The following NCAM1 variants were observed in gnomAD, a reference collection of about 807,000 sequenced individuals.
The protein encoded by NCAM1 is neural cell adhesion molecule 1.
NCAM1 carries 14 observed loss-of-function variants against 109.8 expected under a neutral mutation model. The observed-to-expected ratio is 0.13, with a 90% confidence interval of 0.08 to 0.20. The LOEUF (loss-of-function observed/expected upper bound fraction) is 0.20. Among genes scored for constraint, NCAM1 ranks in the 10% least tolerant of loss-of-function variants. NCAM1 has a pLI of 1.00. For synonymous variants in NCAM1, 418 were observed against 442.9 expected (o/e 0.94, Z 0.70); for missense variants, 774 against 1,109.9 (o/e 0.70, Z 4.30).
intron 7 of NCAM1, 150 bp downstream of exon 7, chr11:113,208,152 A>G (rs1191026195): frequency 3.9e-5 from 37 of 942,426 alleles, no homozygotes; most frequent in Non-Finnish European, 5.3e-5. Flanking sequence ...TCCAAGCCCT[A>G]GTCCAAGCCA....
rs1950645890 is a variant in NCAM1, at chr11:112,963,897, C to CT, written c.52+2236dup. ...GTGTTCCCTGGAATGAAAGCGACCT[C>CT]TTTCCTGGCCCGGTACCTTGAGGAT... On this transcript the variant is annotated intron_variant, in intron 1 of 19. Coordinates refer to ENST00000316851, the MANE Select transcript of NCAM1 (RefSeq NM_181351.5). This position sits in a 1 kb window ranked among gnomAD's most constrained non-coding sequence, Gnocchi z 4.6. Among the ~76,000 whole-genome samples the CT allele has an allele frequency of 6.6e-6, 1 of 152,144 alleles. No individual in the cohort carries two copies. The highest frequency in any genetic ancestry group is 2.4e-5 in the African/African-American group (1 of 41,430).
intron 14 of NCAM1, among the ~76,000 whole-genome samples, chr11:113,243,960 C>T (rs538751966): frequency 6.6e-6 from 1 of 152,072 alleles, no homozygotes; most frequent in South Asian, 2.1e-4. Flanking sequence ...GTGTGTGCTG[C>T]GATGAATTTT....
At chr11:113,045,172 A>G (rs1953223226) in intron 1 of NCAM1, among the ~76,000 whole-genome samples, 1 of 152,258 alleles carries the variant, frequency 6.6e-6, no homozygotes, top group South Asian at 2.1e-4. Flanking sequence ...CAAGCGAGGA[A>G]GATGACAATT....
intron 1 of NCAM1, among the ~76,000 whole-genome samples, chr11:113,041,373 G>A (rs1020410343): frequency 6.6e-6 from 1 of 151,962 alleles, no homozygotes; most frequent in Non-Finnish European, 1.5e-5. Context: ...TAGCATGCTG[G>A]TATATAGTCT....
chr11:113,105,956 T>C (rs1940138796), intron 1 of NCAM1, among the ~76,000 whole-genome samples: 1 of 152,180 alleles, frequency 6.6e-6, no homozygotes, highest in South Asian at 2.1e-4. Context: ...AATAGAAAAA[T>C]TATGTTAATA....
chr11:113,195,495 ATTTTTTTTTT>A (rs561856662), intron 1 of NCAM1, among the ~76,000 whole-genome samples: 1 of 85,584 alleles, frequency 1.2e-5, no homozygotes, highest in East Asian at 4.2e-4. Flanking sequence ...CCCTTAGTAG[ATTTTTTTTTT>A]TTTTTTTTTT....
chr11:113,147,280 G>T (rs1565463140), intron 1 of NCAM1, among the ~76,000 whole-genome samples: 1 of 152,168 alleles, frequency 6.6e-6, no homozygotes, highest in Admixed American at 6.5e-5. Flanking sequence ...TAAACTGCGC[G>T]ATAGATTTTT....
intron 1 of NCAM1, among the ~76,000 whole-genome samples, chr11:113,054,008 A>C (rs1209375783): frequency 6.6e-6 from 1 of 151,974 alleles, no homozygotes; most frequent in African/African-American, 2.4e-5. Context: ...TTTGTCTCCA[A>C]CTCTGGGTCA....
chr11:113,031,390 A>G (rs971703340), intron 1 of NCAM1, among the ~76,000 whole-genome samples: 2 of 152,184 alleles, frequency 1.3e-5, no homozygotes, highest in African/African-American at 2.4e-5. Context: ...GAAAGACCTG[A>G]CACTAAATAG....
chr11:112,965,782 T>A lies in NCAM1; in HGVS notation c.52+4118T>A, dbSNP rs549050471. On this transcript the variant is annotated intron_variant, in intron 1 of 19. Coordinates refer to ENST00000316851, the MANE Select transcript of NCAM1 (RefSeq NM_181351.5). ...GTGGCTTCAATACTACTGGCAGGCT[T>A]CCAAAGACATTTTACAGACAGTCCT... Among the ~76,000 whole-genome samples, 4 of 152,332 alleles carry A rather than the reference T, an allele frequency of 2.6e-5. No homozygotes were observed. In the East Asian group the frequency reaches 7.7e-4, roughly 29 times the overall value.
In NCAM1 at chr11:113,271,831, G is replaced by A. The variant is rs782380026; in HGVS notation, c.2411G>A (p.Gly804Glu). ...EEERTPNHDG[G>E]KHTEPNETTP... ...GAGAGGACCCCAAACCATGATGGAG[G>A]GAAACACACAGAGCCCAACGAGACC... Residue 804 changes from glycine to glutamate, a missense_variant, in exon 19 of 20, where the codon GGG becomes GAG. Gly to Glu is a moderately conservative substitution (Grantham distance 98). Coordinates refer to ENST00000316851, the MANE Select transcript of NCAM1 (RefSeq NM_181351.5). The A allele has an allele frequency of 1.0e-5, 16 of 1,573,414 alleles. No individual in the cohort carries two copies. In the Admixed American group the frequency reaches 3.0e-4, roughly 29 times the overall value.
At chr11:113,241,405 T>C (rs1565523706) in intron 14 of NCAM1, among the ~76,000 whole-genome samples, 1 of 152,204 alleles carries the variant, frequency 6.6e-6, no homozygotes, top group Non-Finnish European at 1.5e-5. Flanking sequence ...AGGCAAATCG[T>C]TTAACCCTTC....
intron 1 of NCAM1, among the ~76,000 whole-genome samples, chr11:112,982,795 T>C (rs1951188308): frequency 6.6e-6 from 1 of 151,832 alleles, no homozygotes; most frequent in African/African-American, 2.4e-5. Flanking sequence ...TTAAAAAAGG[T>C]AATAGTTTGG....
intron 8 of NCAM1, among the ~76,000 whole-genome samples, chr11:113,219,770 CAAAAG>C (rs1443658960): frequency 3.9e-5 from 6 of 152,282 alleles, no homozygotes; most frequent in Middle Eastern, 3.4e-3. Context: ...TAGAGTCTCT[CAAAAG>C]AAAGATCTTG....
At position 112,976,387 on chromosome 11, in the gene NCAM1, T is replaced by C. The variant is rs141363805; in HGVS notation, c.52+14723T>C. ...AACAAATAAATCAATTTTTTAATTA[T>C]AAATTTTTAGTAATTGAAAATTATT... On this transcript the variant is annotated intron_variant, in intron 1 of 19. Coordinates refer to ENST00000316851, the MANE Select transcript of NCAM1 (RefSeq NM_181351.5). 7.5e-3 allele frequency among the ~76,000 whole-genome samples: 1,145 copies of C among 152,060 alleles called. 15 individuals are homozygous for C. Among genetic ancestry groups the C allele is most frequent in the African/African-American group, 0.026 (1,062 of 41,528 alleles).
At chr11:113,258,756 G>GA (rs1945896775) in intron 16 of NCAM1, among the ~76,000 whole-genome samples, 1 of 152,154 alleles carries the variant, frequency 6.6e-6, no homozygotes, top group African/African-American at 2.4e-5. Context: ...CATGTACCCT[G>GA]AAAATCTGTA....
At chr11:113,001,215 C>T (rs1231142651) in intron 1 of NCAM1, among the ~76,000 whole-genome samples, 5 of 152,036 alleles carry the variant, frequency 3.3e-5, no homozygotes, top group African/African-American at 9.7e-5. Context: ...ATAGTATGTC[C>T]CCCACACAGA....
At chr11:113,181,093 C>A (rs115093627) in intron 1 of NCAM1, among the ~76,000 whole-genome samples, 528 of 152,332 alleles carry the variant, frequency 3.5e-3, no homozygotes, top group African/African-American at 0.012. Flanking sequence ...TTATCATGTT[C>A]TCAGTTTCAC....
chr11:112,985,894 T>C (rs1309008471), intron 1 of NCAM1, among the ~76,000 whole-genome samples: 1 of 151,914 alleles, frequency 6.6e-6, no homozygotes, highest in Non-Finnish European at 1.5e-5. Flanking sequence ...ATGTCTTTTA[T>C]TTTATTTTAC....
Sources: allele counts gnomAD v4.1 joint callset (sites outside exome capture counted in the v4.1 genomes callset), GRCh38; gene constraint gnomAD v4.1.1; non-coding constraint Gnocchi (gnomAD v3.1); transcripts MANE v1.5; gene names NCBI Gene and HGNC (gene_info 2026-07-23, HGNC 2026-07-21).